The following PKHD1 variants were observed in gnomAD, a reference collection of about 807,000 sequenced individuals.
The protein encoded by PKHD1 is PKHD1 ciliary IPT domain containing fibrocystin/polyductin, also known as fibrocystin.
A neutral mutation model predicts 412.0 loss-of-function variants in PKHD1; 291 were observed. The ratio of observed to expected loss-of-function variants is 0.71; its 90% confidence interval spans 0.64 to 0.78. The LOEUF (loss-of-function observed/expected upper bound fraction) is 0.78. Among genes scored for constraint, PKHD1 ranks in the 30% least tolerant of loss-of-function variants. The pLI, the probability that PKHD1 is intolerant of heterozygous loss-of-function variation, is 0.00. For missense variants in PKHD1, 4,825 were observed against 4,950.7 expected (o/e 0.97, Z 0.76); for synonymous variants, 1,777 against 1,821.5 (o/e 0.98, Z 0.62).
chr6:51,859,934 C>T (rs1386834636), intron 48 of PKHD1, among the ~76,000 whole-genome samples: 4 of 152,216 alleles, frequency 2.6e-5, no homozygotes, highest in African/African-American at 9.6e-5. Flanking sequence ...CTGATGCAAA[C>T]TCCTTGGCCA....
At chr6:51,923,069 T>C (rs1784951249) in intron 37 of PKHD1, among the ~76,000 whole-genome samples, 1 of 152,230 alleles carries the variant, frequency 6.6e-6, no homozygotes, top group African/African-American at 2.4e-5. Context: ...TTCAGCCATC[T>C]TGGAACCCAA....
rs774290802 is a variant in PKHD1 at position 51,959,948 on chromosome 6, C to T, written c.5830G>A (p.Asp1944Asn). Residue 1944 changes from aspartate (D) to asparagine (N), a missense_variant, in exon 36 of 67, where the codon GAC (aspartate) becomes AAC (asparagine). By Grantham distance (23) the Asp-to-Asn change is conservative. Coordinates refer to ENST00000371117, the MANE Select transcript of PKHD1 (RefSeq NM_138694.4). ...WFPERLPQDG[D>N]NVTVENGQLL... ...TGGCCATTCTCCACTGTGACGTTGT[C>T]GCCATCTTGTGGCAGCCTTTCAGGA... is the stretch of plus-strand genomic sequence containing the variant. The T allele has an allele frequency of 1.6e-5, 26 of 1,613,352 alleles. No homozygotes were observed. Among genetic ancestry groups the T allele is most frequent in the African/African-American group, 4.0e-5 (3 of 74,848 alleles).
intron 39 of PKHD1, among the ~76,000 whole-genome samples, chr6:51,911,460 G>A (rs1782927856): frequency 6.6e-6 from 1 of 152,132 alleles, no homozygotes; most frequent in South Asian, 2.1e-4. Context: ...TGGCTTTCCT[G>A]AGAATCTTAG....
chr6:51,981,352 C>CGT, intron 35 of PKHD1, among the ~76,000 whole-genome samples: 1 of 112,514 alleles, frequency 8.9e-6, no homozygotes, highest in African/African-American at 3.1e-5. Context: ...TCTCCCTCTC[C>CGT]CTCTCCCTCT....
At position 51,973,632 on chromosome 6, in the gene PKHD1, C is replaced by A. The variant is rs929442365; in HGVS notation, c.5752-13606G>T. Among the ~76,000 whole-genome samples the A allele has an allele frequency of 3.7e-4, 56 of 152,260 alleles. 2 individuals are homozygous for A. Among genetic ancestry groups the A allele is most frequent in the African/African-American group, 1.3e-3 (56 of 41,546 alleles). On this transcript the variant is annotated intron_variant, in intron 35 of 66. Transcript: ENST00000371117. ...CTTGGGATTCAAGGCTGAATTTACT[C>A]AATAAACCATACTAAAGGTTTATCA...
chr6:51,860,103 C>G (rs1773950782), intron 48 of PKHD1, among the ~76,000 whole-genome samples: 1 of 152,202 alleles, frequency 6.6e-6, no homozygotes, highest in Admixed American at 6.5e-5. Context: ...TCATGTGCAG[C>G]ACCAGCTTTC....
At chr6:51,711,003 T>G (rs1309590916) in intron 60 of PKHD1, among the ~76,000 whole-genome samples, 2 of 152,198 alleles carry the variant, frequency 1.3e-5, no homozygotes, top group African/African-American at 4.8e-5. Context: ...CTTTAGCCAC[T>G]GATGAGGCTC....
intron 36 of PKHD1, among the ~76,000 whole-genome samples, chr6:51,941,477 G>A (rs1321643542): frequency 3.3e-5 from 5 of 149,802 alleles, no homozygotes; most frequent in East Asian, 2.0e-4. Flanking sequence ...GGATGGTCTC[G>A]ATCTCCTGAC....
intron 60 of PKHD1, among the ~76,000 whole-genome samples, chr6:51,676,562 A>G (rs569310513): frequency 6.6e-6 from 1 of 152,118 alleles, no homozygotes; most frequent in African/African-American, 2.4e-5. Flanking sequence ...TCAAGAAATG[A>G]AATCATTTAC....
intron 60 of PKHD1, among the ~76,000 whole-genome samples, chr6:51,740,659 C>G (rs1784444270): frequency 6.6e-6 from 1 of 152,004 alleles, no homozygotes; most frequent in Non-Finnish European, 1.5e-5. Context: ...TTTTTTCATC[C>G]AACAGACTGT....
intron 34 of PKHD1, among the ~76,000 whole-genome samples, chr6:52,017,143 A>C (rs1800662054): frequency 6.6e-6 from 1 of 152,260 alleles, no homozygotes; most frequent in Admixed American, 6.5e-5. Flanking sequence ...TTGGATCGGA[A>C]GATAAATATT....
chr6:51,667,616 T>C (rs1436096053), intron 60 of PKHD1, among the ~76,000 whole-genome samples: 1 of 151,950 alleles, frequency 6.6e-6, no homozygotes, highest in Non-Finnish European at 1.5e-5. Flanking sequence ...ATGAAGTCCT[T>C]GCCCATGCCT....
intron 35 of PKHD1, among the ~76,000 whole-genome samples, chr6:51,961,578 T>C (rs1301926449): frequency 2.0e-5 from 3 of 152,042 alleles, no homozygotes. Context: ...GGTAAAATAA[T>C]AAACAGTACT....
intron 60 of PKHD1, chr6:51,682,233 C>A (rs1172282110): frequency 2.2e-6 from 1 of 455,624 alleles, no homozygotes; most frequent in Non-Finnish European, 4.4e-6. Context: ...CTTCTTTTGT[C>A]CCCAGGAGAC....
intron 51 of PKHD1, among the ~76,000 whole-genome samples, chr6:51,833,605 T>C (rs541699761): frequency 1.3e-5 from 2 of 152,084 alleles, no homozygotes; most frequent in Non-Finnish European, 2.9e-5. Context: ...ATACAGCATC[T>C]CCAGAGAGCA....
intron 43 of PKHD1, among the ~76,000 whole-genome samples, chr6:51,892,687 A>G (rs545106677): frequency 6.6e-6 from 1 of 152,382 alleles, no homozygotes; most frequent in Admixed American, 6.5e-5. Flanking sequence ...ATGGTTAATT[A>G]CAATAAGAAT....
intron 66 of PKHD1, among the ~76,000 whole-genome samples, chr6:51,621,577 C>T (rs1766620962): frequency 6.6e-6 from 1 of 152,158 alleles, no homozygotes; most frequent in Admixed American, 6.5e-5. Context: ...GAAAGACTAA[C>T]ACAAGCATAG....
chr6:51,883,022 T>A (rs966478274), intron 46 of PKHD1, 71 bp downstream of exon 46: 23 of 1,154,462 alleles, frequency 2.0e-5, no homozygotes, highest in Non-Finnish European at 2.7e-5. Flanking sequence ...ATATCCTGGA[T>A]CATCAGGGGG....
chr6:51,771,461 G>A (rs12664052), intron 55 of PKHD1, among the ~76,000 whole-genome samples: 27,983 of 151,802 alleles, frequency 0.18, 3,387 homozygotes, highest in African/African-American at 0.34. Flanking sequence ...TCTACTAAAA[G>A]TACAAAAATT....
Sources: gnomAD v4.1 joint callset for allele counts (sites outside exome capture counted in the v4.1 genomes callset) on GRCh38, gnomAD v4.1.1 for gene constraint, MANE v1.5 for transcripts, NCBI Gene and HGNC (gene_info 2026-07-23, HGNC 2026-07-21) for gene names.